The following NTF4 variants were observed in gnomAD, a reference collection of about 807,000 sequenced individuals.
The protein encoded by NTF4 is neurotrophin-4.
NTF4 carries 2 observed loss-of-function variants against 4.4 expected under a neutral mutation model. The observed-to-expected ratio is 0.46, with a 90% CI of 0.19 to 1.44. The LOEUF is 1.44. Among genes scored for constraint, NTF4 ranks in the 40% most tolerant of loss-of-function variants. The probability of loss-of-function intolerance (pLI) is 0.26; values close to 1 mark genes in which losing one functional copy is unlikely to be tolerated. For missense variants in NTF4, 260 were observed against 293.0 expected, an observed-to-expected ratio of 0.89 and a Z score of 0.82; for synonymous variants, 127 against 122.0, an observed-to-expected ratio of 1.04 and a Z score of -0.27.
At chr19:49,060,087 C>T (rs1027204076), downstream of NTF4, among the ~76,000 whole-genome samples, 2 of 126,054 alleles carry the variant, frequency 1.6e-5, no homozygotes, top group African/African-American at 6.0e-5. Flanking sequence ...GTCAAGGCCT[C>T]TGACTGCTCA....
chr19:49,059,555 T>C (rs536350876), downstream of NTF4, among the ~76,000 whole-genome samples: 1 of 152,034 alleles, frequency 6.6e-6, no homozygotes, highest in Admixed American at 6.6e-5. Flanking sequence ...CAAGGAGACG[T>C]AGAAACTGAG....
upstream of NTF4, chr19:49,064,463 GC>G: frequency 1.3e-5 from 2 of 158,244 alleles, no homozygotes; most frequent in Non-Finnish European, 2.7e-5. Context: ...AGTAGTCCAG[GC>G]CCCCAGCGCC....
rs2040131208 is a variant in NTF4, at chr19:49,061,357, C to T, written c.*8G>A. ...CATCCAGCTCTGTTATTTTCCTGGG[C>T]ATGGGTCTCAGGCCCGGCCAGTCCG... On this transcript the variant is annotated 3_prime_UTR_variant, in exon 1 of 1. Transcript: ENST00000593537. The surrounding 1 kb of genome is among the most constrained non-coding windows in gnomAD (Gnocchi z 4.9). The T allele has an allele frequency of 5.6e-6, 9 of 1,611,766 alleles. No individual in the cohort carries two copies. The highest frequency in any genetic ancestry group is 8.5e-7 in the Non-Finnish European group (1 of 1,180,014).
downstream of NTF4, among the ~76,000 whole-genome samples, chr19:49,060,352 A>G (rs2040117480): frequency 6.6e-6 from 1 of 152,042 alleles, no homozygotes; most frequent in Non-Finnish European, 1.5e-5. Context: ...TTTTTTTGAA[A>G]TGGAGTTTCG....
At chr19:49,059,680 T>C (rs2040109592), downstream of NTF4, among the ~76,000 whole-genome samples, 3 of 151,934 alleles carry the variant, frequency 2.0e-5, no homozygotes, top group Non-Finnish European at 2.9e-5. Flanking sequence ...GGTGGGGCGA[T>C]GGGTAACATG....
At chr19:49,059,960 C>G (rs1227684897), downstream of NTF4, among the ~76,000 whole-genome samples, 3 of 140,890 alleles carry the variant, frequency 2.1e-5, no homozygotes, top group African/African-American at 5.4e-5. Context: ...TCACTTCAAC[C>G]CGGGAGGTGA....
rs778141660 is a variant in NTF4 at position 49,061,740 on chromosome 19, T to C, written c.258A>G (p.Ala86=). The change falls in exon 1 of 1, where the codon GCA becomes GCG. Residue 86 remains alanine (A), a synonymous_variant. Transcript: ENST00000593537. The surrounding 1 kb of genome is among the most constrained non-coding windows in gnomAD (Gnocchi z 4.9). Reference sequence around the variant, plus strand: ...CCAGCTCACCCCGACGACTCGCTGGTGCAGTTTCGCTCACCCCACGCCGGC... The same window carrying C: ...CCAGCTCACCCCGACGACTCGCTGGCGCAGTTTCGCTCACCCCACGCCGGC... The C allele has an allele frequency of 6.2e-7, 1 of 1,610,694 alleles. No individual in the cohort carries two copies. Among genetic ancestry groups the C allele is most frequent in the Non-Finnish European group, 8.5e-7 (1 of 1,178,876 alleles).
downstream of NTF4, among the ~76,000 whole-genome samples, chr19:49,059,308 C>T (rs2040104303): frequency 6.6e-6 from 1 of 152,100 alleles, no homozygotes; most frequent in Admixed American, 6.6e-5. Flanking sequence ...AAAACTTCCA[C>T]CTGGGTAGGC....
Position 49,061,562 on chromosome 19 carries a change from C to G in NTF4, c.436G>C (p.Ala146Pro), listed in dbSNP as rs140946623. ...CCTGCCCCCGGGCCACCTTCCTCAG[C>G]GTTATCAGCCTTGCAGCGGGTTTCA... Residue 146 changes from alanine to proline, a missense_variant, in exon 1 of 1, where the codon GCT (alanine) becomes CCT (proline). Ala to Pro is a conservative substitution (Grantham distance 27). Transcript: ENST00000593537. This position sits in a 1 kb window ranked among gnomAD's most constrained non-coding sequence, Gnocchi z 4.9. 1.9e-6 allele frequency: 3 copies of G among 1,614,060 alleles called. No homozygotes were observed. The highest frequency in any genetic ancestry group is 1.3e-5 in the African/African-American group (1 of 74,950).
downstream of NTF4, among the ~76,000 whole-genome samples, chr19:49,060,069 A>AAAAAAAC (rs71179077): frequency 7.6e-6 from 1 of 131,926 alleles, no homozygotes; most frequent in Non-Finnish European, 1.6e-5. Flanking sequence ...AAAAAAAAAA[A>AAAAAAAC]GCTTTTGGTC....
At chr19:49,059,457 G>A (rs187687974), downstream of NTF4, among the ~76,000 whole-genome samples, 4 of 152,292 alleles carry the variant, frequency 2.6e-5, no homozygotes, top group African/African-American at 9.6e-5. Context: ...TGGAAAGGGA[G>A]CTATTAGTAC....
chr19:49,061,833 C>T lies in NTF4; in HGVS notation c.165G>A (p.Gly55=). Residue 55 remains glycine, a synonymous_variant, in exon 1 of 1, where the codon GGG becomes GGA. Coordinates refer to ENST00000593537, the Ensembl canonical transcript of NTF4. This position sits in a 1 kb window ranked among gnomAD's most constrained non-coding sequence, Gnocchi z 4.9. Reference sequence around the variant, plus strand: ...CCTCCAGCAGGAAGAGCAGAGGGGGCCCAGCAGGGGCACCCCTAGACAGGA... The same window carrying T: ...CCTCCAGCAGGAAGAGCAGAGGGGGTCCAGCAGGGGCACCCCTAGACAGGA... 1 of 1,550,854 alleles carries T rather than the reference C, an allele frequency of 6.4e-7. No homozygotes were observed.
upstream of NTF4, chr19:49,062,009 C>T: frequency 1.4e-6 from 2 of 1,446,932 alleles, no homozygotes; most frequent in East Asian, 2.5e-5. Context: ...TCTCGGAGCA[C>T]CTGGAGACAG....
At position 49,061,777 on chromosome 19, in the gene NTF4, G is replaced by A. The variant is rs924460891; in HGVS notation, c.221C>T (p.Pro74Leu). ...CACCCCACGCCGGCTGCGGTTGGCC[G>A]GGGCACCTGCTGACTCCCGAAAGGC... Residue 74 changes from proline (P) to leucine (L), a missense_variant, in exon 1 of 1, where the codon CCG becomes CTG. Pro to Leu is a moderately conservative substitution (Grantham distance 98). Transcript: ENST00000593537. This position sits in a 1 kb window ranked among gnomAD's most constrained non-coding sequence, Gnocchi z 4.9. The A allele has an allele frequency of 1.4e-5, 22 of 1,566,740 alleles. No individual in the cohort carries two copies. Among genetic ancestry groups the A allele is most frequent in the Admixed American group, 1.3e-4 (7 of 52,802 alleles).
upstream of NTF4, among the ~76,000 whole-genome samples, chr19:49,062,815 A>T (rs565391261): frequency 1.6e-4 from 25 of 152,160 alleles, no homozygotes; most frequent in Non-Finnish European, 3.5e-4. Context: ...AAATAAAAAT[A>T]AAAATAATTC....
Position 49,061,738 on chromosome 19 carries a change from G to T in NTF4, c.260C>A (p.Pro87Gln), listed in dbSNP as rs367858798. 3.1e-6 allele frequency: 5 copies of T among 1,610,936 alleles called. No individual in the cohort carries two copies. In the African/African-American group the frequency reaches 5.3e-5, roughly 17 times the overall value. The change falls in exon 1 of 1, where the codon CCA (proline) becomes CAA (glutamine). Residue 87 changes from proline to glutamine, a missense_variant. Pro to Gln is a moderately conservative substitution (Grantham distance 76). Transcript: ENST00000593537. This position sits in a 1 kb window ranked among gnomAD's most constrained non-coding sequence, Gnocchi z 4.9. ...AGCCAGCTCACCCCGACGACTCGCT[G>T]GTGCAGTTTCGCTCACCCCACGCCG...
In NTF4 at chr19:49,061,961, G is replaced by A. The variant is rs1284203289; in HGVS notation, c.37C>T (p.Leu13Phe). Residue 13 changes from leucine (L) to phenylalanine (F), a missense_variant, in exon 1 of 1, where the codon CTC (leucine) becomes TTC (phenylalanine). Coordinates refer to ENST00000593537, the Ensembl canonical transcript of NTF4. This position sits in a 1 kb window ranked among gnomAD's most constrained non-coding sequence, Gnocchi z 4.9. ...GGCACACTGGGGAGGAGGAAAAGGAGGAGGATGGGGAGGGAGCATGAGGGG... is the reference window on the plus strand; with the variant it reads ...GGCACACTGGGGAGGAGGAAAAGGAAGAGGATGGGGAGGGAGCATGAGGGG... 4.0e-6 allele frequency: 6 copies of A among 1,495,878 alleles called. No individual in the cohort carries two copies. In the African/African-American group the frequency reaches 6.9e-5, roughly 17 times the overall value. The allele number at this position is 1,495,878 out of a possible 1,614,324, so 92.7% of individuals were successfully genotyped here.
At chr19:49,060,774 C>T (rs1018547111), downstream of NTF4, 2 of 157,676 alleles carry the variant, frequency 1.3e-5, no homozygotes, top group African/African-American at 4.8e-5. Context: ...CTCATTCAAC[C>T]TTGCTTGTAC....
chr19:49,059,876 T>C (rs931497810), downstream of NTF4, among the ~76,000 whole-genome samples: 1 of 151,566 alleles, frequency 6.6e-6, no homozygotes, highest in African/African-American at 2.4e-5. Flanking sequence ...GGCGAAACCC[T>C]GTCTCTACCA....
Sources: gnomAD v4.1 joint callset for allele counts (sites outside exome capture counted in the v4.1 genomes callset) on GRCh38, gnomAD v4.1.1 for gene constraint, Gnocchi (gnomAD v3.1) non-coding constraint, MANE v1.5 for transcripts, NCBI Gene and HGNC (gene_info 2026-07-23, HGNC 2026-07-21) for gene names.